Variants in LUZP1 observed in about 807,000 individuals in gnomAD.
LUZP1 encodes leucine zipper protein 1.
A neutral mutation model predicts 71.3 loss-of-function variants in LUZP1; 25 were observed. The observed-to-expected ratio is 0.35, with a 90% confidence interval of 0.26 to 0.49. LUZP1 has a LOEUF of 0.49. LUZP1 is among the 20% of genes least tolerant of loss of function. The pLI is 0.99. For synonymous variants in LUZP1, 481 were observed against 506.4 expected, an observed-to-expected ratio of 0.95 and a Z score of 0.67; for missense variants, 1,142 against 1,300.8, an observed-to-expected ratio of 0.88 and a Z score of 1.88.
intron 1 of LUZP1, among the ~76,000 whole-genome samples, chr1:23,176,062 CTTT>C (rs57669214): frequency 7.7e-6 from 1 of 129,844 alleles, no homozygotes. Flanking sequence ...ACTTCCTTGA[CTTT>C]TTTTTTTTTT....
rs1436649719 is a variant in LUZP1 at position 23,094,329 on chromosome 1, C to T, written c.-68G>A. The stretch of plus-strand genomic sequence containing the variant: ...CACTCAAGGGGATGAGAAATGGTTA[C>T]CTTTCTCTTGGCAACCACAATCTTC... On this transcript the variant is annotated 5_prime_UTR_variant, in exon 4 of 5. Transcript: ENST00000302291. The surrounding 1 kb of genome is among the most constrained non-coding windows in gnomAD (Gnocchi z 4.7). The T allele has an allele frequency of 1.3e-5, 20 of 1,510,186 alleles. No homozygotes were observed. Among genetic ancestry groups the T allele is most frequent in the Non-Finnish European group, 1.7e-5 (19 of 1,133,138 alleles). The allele number at this position is 1,510,186 out of a possible 1,614,324, so 93.5% of individuals were successfully genotyped here.
At chr1:23,152,006 A>AC in intron 2 of LUZP1, among the ~76,000 whole-genome samples, 1 of 151,542 alleles carries the variant, frequency 6.6e-6, no homozygotes, top group East Asian at 1.9e-4. Context: ...AGTCTCCAAA[A>AC]AAAAAAAAAA....
intron 2 of LUZP1, among the ~76,000 whole-genome samples, chr1:23,121,272 G>C (rs1644127300): frequency 6.6e-6 from 1 of 152,108 alleles, no homozygotes; most frequent in African/African-American, 2.4e-5. Flanking sequence ...ACTGCCTATT[G>C]TTTTCTCCAT....
chr1:23,107,379 G>A (rs550954682), intron 3 of LUZP1, among the ~76,000 whole-genome samples: 19 of 152,112 alleles, frequency 1.2e-4, no homozygotes, highest in Non-Finnish European at 2.8e-4. Flanking sequence ...TAATCCTTGA[G>A]AGAAAGGACT....
At chr1:23,096,711 G>A (rs1326353906) in intron 3 of LUZP1, among the ~76,000 whole-genome samples, 2 of 152,088 alleles carry the variant, frequency 1.3e-5, no homozygotes, top group Non-Finnish European at 2.9e-5. Flanking sequence ...GGTGGCTCAC[G>A]CCTGTAATCC....
At chr1:23,143,307 G>A (rs919401104) in intron 2 of LUZP1, among the ~76,000 whole-genome samples, 4 of 152,086 alleles carry the variant, frequency 2.6e-5, no homozygotes, top group Admixed American at 6.6e-5. Flanking sequence ...GTACCTGGTC[G>A]ATGGTAAAAT....
At chr1:23,129,583 AAAAT>A (rs770917911) in intron 2 of LUZP1, among the ~76,000 whole-genome samples, 8 of 152,180 alleles carry the variant, frequency 5.3e-5, no homozygotes, top group African/African-American at 9.6e-5. Flanking sequence ...ACTCCGTCTC[AAAAT>A]AAATAAATAA....
rs1235056800 is a variant in LUZP1 at position 23,094,186 on chromosome 1, G to A, written c.76C>T (p.Arg26Cys). ...GTGGCTTCCTCCAACTCATCAAGGC[G>A]GCGGCTTAGACTCTGTAGCTTAAAC... The change falls in exon 4 of 5, where the codon CGC (arginine) becomes TGC (cysteine). Residue 26 changes from arginine (R) to cysteine (C), a missense_variant. Physicochemically the swap from Arg to Cys is radical, Grantham distance 180. Transcript: ENST00000302291. The surrounding 1 kb of genome is among the most constrained non-coding windows in gnomAD (Gnocchi z 4.7). 24 of 1,613,966 alleles carry A rather than the reference G, an allele frequency of 1.5e-5. No individual in the cohort carries two copies. The highest frequency in any genetic ancestry group is 1.9e-5 in the Non-Finnish European group (22 of 1,180,024).
At chr1:23,091,421 G>A in exon 4 of LUZP1, 5 of 1,614,112 alleles carry the variant, frequency 3.1e-6, no homozygotes, top group Non-Finnish European at 4.2e-6. Flanking sequence ...CATTGCTATT[G>A]GTAGATTCCA....
chr1:23,123,389 G>A (rs1174352631), intron 2 of LUZP1, among the ~76,000 whole-genome samples: 5 of 151,808 alleles, frequency 3.3e-5, no homozygotes, highest in African/African-American at 1.2e-4. Context: ...CTACTCAGGA[G>A]GCTGAGGCAG....
intron 2 of LUZP1, among the ~76,000 whole-genome samples, chr1:23,157,092 G>C (rs1209679615): frequency 1.3e-5 from 2 of 152,230 alleles, no homozygotes; most frequent in Non-Finnish European, 2.9e-5. Flanking sequence ...CCAACATTTT[G>C]GAAGGCCAAG....
intron 2 of LUZP1, among the ~76,000 whole-genome samples, chr1:23,123,069 C>G (rs1644142683): frequency 6.6e-6 from 1 of 152,196 alleles, no homozygotes; most frequent in South Asian, 2.1e-4. Context: ...CCTCACCTAC[C>G]TAGAAGAATA....
At chr1:23,113,140 C>A (rs529723678) in intron 2 of LUZP1, among the ~76,000 whole-genome samples, 1 of 152,254 alleles carries the variant, frequency 6.6e-6, no homozygotes, top group South Asian at 2.1e-4. Context: ...TGCCTGTAAT[C>A]CTGGCACTTT....
chr1:23,121,881 G>A (rs1032249402), intron 2 of LUZP1, among the ~76,000 whole-genome samples: 2 of 151,920 alleles, frequency 1.3e-5, no homozygotes, highest in South Asian at 2.1e-4. Flanking sequence ...GTGTGGTGGC[G>A]CACGCCTGTA....
At chr1:23,091,514 T>C in exon 4 of LUZP1, 2 of 1,614,198 alleles carry the variant, frequency 1.2e-6, no homozygotes, top group African/African-American at 1.3e-5. Context: ...CAGTAACATG[T>C]CTGGCATCTG....
intron 2 of LUZP1, among the ~76,000 whole-genome samples, chr1:23,148,563 C>T (rs1644359837): frequency 6.6e-6 from 1 of 152,156 alleles, no homozygotes; most frequent in South Asian, 2.1e-4. Flanking sequence ...AGGGAACTGT[C>T]ACAGTGCAAT....
At chr1:23,108,262 A>G (rs924583743) in intron 3 of LUZP1, among the ~76,000 whole-genome samples, 4 of 152,268 alleles carry the variant, frequency 2.6e-5, no homozygotes, top group African/African-American at 9.6e-5. Flanking sequence ...AGGTTAAATC[A>G]GTCACAGCCT....
Position 23,104,305 on chromosome 1 carries a change from C to A in LUZP1, c.-120+4717G>T, listed in dbSNP as rs140817888. On this transcript the variant is annotated intron_variant, in intron 3 of 4. Transcript: ENST00000302291. ...AGGGATTCTCGAGAACTGCCTCAGC[C>A]TCCCGAGTAGCTGGGATTACAGGTG... Among the ~76,000 whole-genome samples the A allele has an allele frequency of 4.3e-3, 654 of 152,058 alleles. 6 individuals carry two copies. Among genetic ancestry groups the A allele is most frequent in the Middle Eastern group, 0.017 (5 of 294 alleles).
chr1:23,146,732 G>A (rs1569666820), intron 2 of LUZP1, among the ~76,000 whole-genome samples: 1 of 152,176 alleles, frequency 6.6e-6, no homozygotes, highest in African/African-American at 2.4e-5. Context: ...GGAAGATCAA[G>A]GCTGCAGTGA....
Sources: gnomAD v4.1 joint callset for allele counts (sites outside exome capture counted in the v4.1 genomes callset) on GRCh38, gnomAD v4.1.1 for gene constraint, Gnocchi (gnomAD v3.1) non-coding constraint, MANE v1.5 for transcripts, NCBI Gene and HGNC (gene_info 2026-07-23, HGNC 2026-07-21) for gene names.